Variants in ZFAND4 observed in about 807,000 individuals in gnomAD.
The protein encoded by ZFAND4 is zinc finger AN1-type containing 4, also known as AN1-type zinc finger protein 4.
Under a neutral mutation model 64.4 loss-of-function variants are expected in ZFAND4, and 43 were observed. That is an observed-to-expected ratio of 0.67 (90% CI 0.52 to 0.86). The LOEUF is 0.86. ZFAND4 is among the 40% of genes least tolerant of loss of function. ZFAND4 has a pLI of 0.00. For missense variants in ZFAND4, 929 were observed against 859.8 expected, an observed-to-expected ratio of 1.08 and a Z score of -1.01; for synonymous variants, 296 against 305.7, an observed-to-expected ratio of 0.97 and a Z score of 0.33.
At chr10:45,669,275 A>C (rs2049026674) in intron 1 of ZFAND4, among the ~76,000 whole-genome samples, 1 of 152,250 alleles carries the variant, frequency 6.6e-6, no homozygotes, top group South Asian at 2.1e-4. Context: ...AAACTGGAAA[A>C]TCTAGAAGAA....
rs371085512 is a variant in ZFAND4, at chr10:45,624,603, G to A, written c.1907C>T (p.Ala636Val). The change falls in exon 8 of 10, where the codon GCA becomes GTA. Residue 636 changes from alanine (A) to valine (V), a missense_variant. By Grantham distance (64) the Ala-to-Val change is moderately conservative. Coordinates refer to ENST00000344646, the MANE Select transcript of ZFAND4 (RefSeq NM_174890.4). ...THGVGMNGNN[A>V]AAGKSVGECT... is the part of the protein sequence containing the mutation. ...CTTACCTACGCTTTTCCCTGCTGCT[G>A]CATTATTTCCATTCATTCCAACACC... 25 of 1,613,676 alleles carry A rather than the reference G, an allele frequency of 1.5e-5. No homozygotes were observed. The highest frequency in any genetic ancestry group is 2.7e-5 in the African/African-American group (2 of 74,876).
intron 1 of ZFAND4, among the ~76,000 whole-genome samples, chr10:45,668,934 C>T (rs2049005552): frequency 6.6e-6 from 1 of 152,126 alleles, no homozygotes; most frequent in Non-Finnish European, 1.5e-5. Context: ...TAAATGCCCA[C>T]AAGAGAAAGC....
At chr10:45,658,124 G>A (rs959816614) in intron 2 of ZFAND4, among the ~76,000 whole-genome samples, 2 of 152,200 alleles carry the variant, frequency 1.3e-5, no homozygotes, top group Non-Finnish European at 2.9e-5. Context: ...ACCTCAGAAT[G>A]TGACCTTAAC....
Position 45,652,022 on chromosome 10 carries a change from C to G in ZFAND4, c.272G>C (p.Gly91Ala), listed in dbSNP as rs1000057889. The G allele has an allele frequency of 2.5e-6, 4 of 1,613,696 alleles. No individual in the cohort carries two copies. The highest frequency in any genetic ancestry group is 3.4e-6 in the Non-Finnish European group (4 of 1,179,746). ...AGCCAAAACTAGCTTCAAGGTACAC[C>G]CTTCTGAAATGCTGTGGATAGTTAA... ...YCLNDYNISEGCTLKLVLAMR... is the reference protein window; with the variant it reads ...YCLNDYNISEACTLKLVLAMR... The change falls in exon 4 of 10, where the codon GGG becomes GCG. Residue 91 changes from glycine (G) to alanine (A), a missense_variant. Physicochemically the swap from Gly to Ala is moderately conservative, Grantham distance 60 (BLOSUM62 0). Coordinates refer to ENST00000344646, the MANE Select transcript of ZFAND4 (RefSeq NM_174890.4).
At chr10:45,632,257 C>G (rs955895376) in intron 6 of ZFAND4, among the ~76,000 whole-genome samples, 5 of 152,184 alleles carry the variant, frequency 3.3e-5, no homozygotes, top group African/African-American at 1.2e-4. Flanking sequence ...ACTCAGAAGA[C>G]TGAGGCAGGA....
Position 45,623,706 on chromosome 10 carries a change from T to G in ZFAND4, c.1927+877A>C, listed in dbSNP as rs529305675. On this transcript the variant is annotated intron_variant, in intron 8 of 9. Transcript: ENST00000344646. ...AAAGTGTTCTAGAGAAAGGTGGTGG[T>G]GATGGATCCCCAACAATGTGAAAGT... 5.3e-5 allele frequency among the ~76,000 whole-genome samples: 8 copies of G among 152,282 alleles called. No homozygotes were observed. In the South Asian group the frequency reaches 1.7e-3, roughly 32 times the overall value.
chr10:45,627,091 G>A lies in ZFAND4; in HGVS notation c.732C>T (p.Val244=), dbSNP rs2045888868. ...MNLSKKPKKA[V]KIKPHPPVAP... is the part of the protein sequence containing the mutation. ...CTACAGGTGGGTGAGGTTTTATCTT[G>A]ACAGCTTTCTTAGGCTAAAAGGAAT... The change falls in exon 7 of 10, where the codon GTC becomes GTT. Residue 244 remains valine, a synonymous_variant. Transcript: ENST00000344646. 2.6e-6 allele frequency: 4 copies of A among 1,538,684 alleles called. No individual in the cohort carries two copies. The African/African-American group carries it at 4.1e-5, about 16-fold the overall frequency.
At chr10:45,672,156 G>A (rs1197030967) in intron 1 of ZFAND4, 94 bp downstream of exon 1, 2 of 152,224 alleles carry the variant, frequency 1.3e-5, no homozygotes, top group Non-Finnish European at 2.9e-5. Context: ...CGCCTAACTT[G>A]TCTGTAGCCT....
chr10:45,652,896 A>T, intron 3 of ZFAND4, 88 bp downstream of exon 3: 1 of 978,230 alleles, frequency 1.0e-6, no homozygotes, highest in Non-Finnish European at 1.5e-6. Context: ...AAAAACAGAC[A>T]TGATCTAAGA....
At chr10:45,671,519 A>G (rs553772427) in intron 1 of ZFAND4, among the ~76,000 whole-genome samples, 1 of 152,326 alleles carries the variant, frequency 6.6e-6, no homozygotes, top group East Asian at 1.9e-4. Context: ...GGATGAGTTC[A>G]TGTCCTTTGC....
At chr10:45,631,124 C>A (rs970244393) in intron 6 of ZFAND4, among the ~76,000 whole-genome samples, 1 of 151,934 alleles carries the variant, frequency 6.6e-6, no homozygotes, top group Non-Finnish European at 1.5e-5. Flanking sequence ...CGAGACCATC[C>A]TGGCTAACAC....
At chr10:45,649,073 C>T (rs953271227) in intron 4 of ZFAND4, 4 of 372,002 alleles carry the variant, frequency 1.1e-5, no homozygotes, top group Non-Finnish European at 1.5e-5. Context: ...TCAAGACCAT[C>T]CTGGCCAACA....
Position 45,639,818 on chromosome 10 carries a change from T to C in ZFAND4, c.715A>G (p.Lys239Glu). ...AKMKNMNLSK[K>E]PKKAVKIKPH... ...TGGTCAAATGCCAACAGCTTCACCT[T>C]TTTGCTGAGATTCATGTTCTTCATC... The change falls in exon 6 of 10, where the codon AAG becomes GAG. Residue 239 changes from lysine to glutamate, a missense_variant and splice_region_variant. Coordinates refer to ENST00000344646, the MANE Select transcript of ZFAND4 (RefSeq NM_174890.4). The C allele has an allele frequency of 6.2e-7, 1 of 1,609,156 alleles. No individual in the cohort carries two copies. Among genetic ancestry groups the C allele is most frequent in the Non-Finnish European group, 8.5e-7 (1 of 1,178,344 alleles).
chr10:45,626,865 C>T lies in ZFAND4; in HGVS notation c.958G>A (p.Asp320Asn), dbSNP rs1165170396. 3.7e-6 allele frequency: 6 copies of T among 1,614,200 alleles called. No individual in the cohort carries two copies. Among genetic ancestry groups the T allele is most frequent in the Non-Finnish European group, 5.1e-6 (6 of 1,180,046 alleles). Reference protein sequence around the residue: ...SSITGEFLKEDNSWENNTLSH... With the variant: ...SSITGEFLKENNSWENNTLSH... Reference sequence around the variant, plus strand: ...AGTGTGTTATTCTCCCAGCTATTATCTTCCTTAAGAAATTCACCAGTGATA... The same window carrying T: ...AGTGTGTTATTCTCCCAGCTATTATTTTCCTTAAGAAATTCACCAGTGATA... Residue 320 changes from aspartate to asparagine, a missense_variant, in exon 7 of 10, where the codon GAT becomes AAT. Transcript: ENST00000344646.
chr10:45,631,482 C>T (rs1011747603), intron 6 of ZFAND4, among the ~76,000 whole-genome samples: 1 of 150,554 alleles, frequency 6.6e-6, no homozygotes, highest in African/African-American at 2.4e-5. Flanking sequence ...GAGTTAATTC[C>T]AAGATACATC....
intron 9 of ZFAND4, among the ~76,000 whole-genome samples, chr10:45,616,782 T>C (rs1020023523): frequency 6.6e-6 from 1 of 152,118 alleles, no homozygotes; most frequent in Non-Finnish European, 1.5e-5. Flanking sequence ...CAATTTATGA[T>C]AAAGAAGTCA....
At chr10:45,667,072 T>C (rs2048870983) in intron 1 of ZFAND4, among the ~76,000 whole-genome samples, 1 of 152,232 alleles carries the variant, frequency 6.6e-6, no homozygotes, top group Non-Finnish European at 1.5e-5. Context: ...ATTTGGAGAG[T>C]ACTGCAATCT....
intron 1 of ZFAND4, among the ~76,000 whole-genome samples, chr10:45,669,840 C>G (rs1251828152): frequency 6.6e-6 from 1 of 152,148 alleles, no homozygotes; most frequent in Non-Finnish European, 1.5e-5. Context: ...GCTCTTCATG[C>G]TAAAAACTCT....
chr10:45,616,679 C>G (rs897904361), intron 9 of ZFAND4, 108 bp from the exon 10 acceptor site: 7 of 1,121,322 alleles, frequency 6.2e-6, no homozygotes, highest in Middle Eastern at 4.5e-4. Context: ...CCCTTTGGTT[C>G]TTTTTAGCAA....
Sources: allele counts gnomAD v4.1 joint callset (sites outside exome capture counted in the v4.1 genomes callset), GRCh38; gene constraint gnomAD v4.1.1; transcripts MANE v1.5; gene names NCBI Gene and HGNC (gene_info 2026-07-23, HGNC 2026-07-21).